FBXW11: variants seen among roughly 807,000 people sequenced by gnomAD.
FBXW11 encodes F-box and WD repeat domain containing 11.
A neutral mutation model predicts 77.6 loss-of-function variants in FBXW11; 19 were observed. The observed-to-expected ratio is 0.24, with a 90% CI of 0.17 to 0.36. FBXW11 has a LOEUF of 0.36. FBXW11 is among the 10% of genes least tolerant of loss of function. The probability of loss-of-function intolerance (pLI) is 1.00; values close to 1 mark genes in which losing one functional copy is unlikely to be tolerated. For missense variants in FBXW11, 334 were observed against 704.2 expected (o/e 0.47, Z 5.95); for synonymous variants, 235 against 249.4 (o/e 0.94, Z 0.54).
chr5:171,907,036 T>C lies in FBXW11; in HGVS notation c.436+3536A>G, dbSNP rs192169663. ...GCTTATCATCCTTTTTGAAGTACAA[T>C]CTGTCCCTACTTTACATGGTATGAA... is the stretch of plus-strand genomic sequence containing the variant. On this transcript the variant is annotated intron_variant, in intron 4 of 13. Transcript: ENST00000517395. Among the ~76,000 whole-genome samples, 381 of 152,336 alleles carry C rather than the reference T, an allele frequency of 2.5e-3. 2 individuals carry two copies. Among genetic ancestry groups the C allele is most frequent in the Admixed American group, 3.9e-3 (60 of 15,292 alleles).
chr5:171,905,422 T>A (rs977431276), intron 4 of FBXW11, among the ~76,000 whole-genome samples: 6 of 152,284 alleles, frequency 3.9e-5, no homozygotes, highest in Admixed American at 2.6e-4. Context: ...AAAAACAGCA[T>A]ACGTAAAGAG....
In FBXW11 at chr5:171,910,563, T is replaced by C. The variant is rs1366754938; in HGVS notation, c.436+9A>G. ...ACTGCTCAGCTTTTGAAAAGACAAG[T>C]ACAGTTACCTGGTAAAGCGGTAATA... On this transcript the variant is annotated intron_variant, in intron 4 of 13. Transcript: ENST00000517395. 5 of 1,606,508 alleles carry C rather than the reference T, an allele frequency of 3.1e-6. No homozygotes were observed. Among genetic ancestry groups the C allele is most frequent in the South Asian group, 1.1e-5 (1 of 90,214 alleles).
intron 2 of FBXW11, among the ~76,000 whole-genome samples, chr5:171,923,889 G>A (rs1167647175): frequency 6.6e-6 from 1 of 150,768 alleles, no homozygotes; most frequent in East Asian, 1.9e-4. Flanking sequence ...GACAGGGGAG[G>A]GTCCGCGGTG....
At chr5:171,984,702 C>T (rs1302942681) in intron 1 of FBXW11, among the ~76,000 whole-genome samples, 3 of 152,118 alleles carry the variant, frequency 2.0e-5, no homozygotes, top group African/African-American at 7.2e-5. Flanking sequence ...CAGCAAGCTC[C>T]TTAAAAATAA....
intron 1 of FBXW11, among the ~76,000 whole-genome samples, chr5:171,997,225 T>C (rs1035628043): frequency 2.0e-5 from 3 of 152,206 alleles, no homozygotes; most frequent in Non-Finnish European, 4.4e-5. Flanking sequence ...ATTCCTCACC[T>C]CTGTGTTGAA....
intron 2 of FBXW11, among the ~76,000 whole-genome samples, chr5:171,934,334 A>C (rs1483600451): frequency 6.6e-6 from 1 of 152,174 alleles, no homozygotes; most frequent in Non-Finnish European, 1.5e-5. Context: ...AACAAACAAG[A>C]ATACATTAAA....
chr5:171,910,946 G>T (rs1760845154), intron 3 of FBXW11, 149 bp from the exon 4 acceptor site: 2 of 604,076 alleles, frequency 3.3e-6, no homozygotes. Flanking sequence ...AATTCATTCA[G>T]GAATTAAAAA....
chr5:172,006,596 C>A lies in FBXW11; in HGVS notation c.-94G>T. Reference sequence around the variant, plus strand: ...GCGGAGGCGGCAGAGGCGGAGGCGGCTATCGCACCCACTCTAGCTGCCAGC... The same window carrying A: ...GCGGAGGCGGCAGAGGCGGAGGCGGATATCGCACCCACTCTAGCTGCCAGC... On this transcript the variant is annotated 5_prime_UTR_variant, in exon 1 of 14. Transcript: ENST00000517395. The A allele has an allele frequency of 2.2e-6, 3 of 1,382,506 alleles. No individual in the cohort carries two copies. Among genetic ancestry groups the A allele is most frequent in the Non-Finnish European group, 9.4e-7 (1 of 1,067,192 alleles). The allele number at this position is 1,382,506 out of a possible 1,614,324, so 85.6% of individuals were successfully genotyped here. A position where few individuals can be genotyped will look rare whatever the true frequency, so the allele number is the denominator to read the frequency against.
intron 1 of FBXW11, among the ~76,000 whole-genome samples, chr5:171,986,873 A>G (rs1765473857): frequency 6.6e-6 from 1 of 152,218 alleles, no homozygotes; most frequent in African/African-American, 2.4e-5. Flanking sequence ...TCTGTGACCT[A>G]TTAAGAACTG....
At chr5:172,006,346 G>A in intron 1 of FBXW11, 112 bp downstream of exon 1, 3 of 961,232 alleles carry the variant, frequency 3.1e-6, no homozygotes, top group Non-Finnish European at 4.4e-6. Flanking sequence ...CCGGGTCTGG[G>A]TCGAGGCGTC....
At chr5:171,891,302 C>G (rs938833319) in intron 7 of FBXW11, among the ~76,000 whole-genome samples, 165 bp downstream of exon 7, 1 of 151,810 alleles carries the variant, frequency 6.6e-6, no homozygotes, top group African/African-American at 2.4e-5. Context: ...GTATTAGTTT[C>G]GGGGAAATGC....
At chr5:171,982,158 GA>G (rs1417328891) in intron 1 of FBXW11, among the ~76,000 whole-genome samples, 2 of 152,132 alleles carry the variant, frequency 1.3e-5, no homozygotes, top group Non-Finnish European at 2.9e-5. Context: ...GGATTTTATT[GA>G]ATGTAAACCA....
At chr5:171,925,137 A>G (rs993560484) in intron 2 of FBXW11, among the ~76,000 whole-genome samples, 1 of 152,206 alleles carries the variant, frequency 6.6e-6, no homozygotes, top group African/African-American at 2.4e-5. Context: ...CCAGCTGGCG[A>G]AGCAGCACAG....
chr5:171,977,330 GAAAGA>G (rs909217239), intron 1 of FBXW11, among the ~76,000 whole-genome samples: 12 of 148,594 alleles, frequency 8.1e-5, no homozygotes, highest in Non-Finnish European at 1.8e-4. Flanking sequence ...AAAAAAGAAA[GAAAGA>G]AAAGAAAAAA....
chr5:171,890,490 A>AG (rs1290230054), intron 7 of FBXW11, among the ~76,000 whole-genome samples: 1 of 151,362 alleles, frequency 6.6e-6, no homozygotes, highest in Non-Finnish European at 1.5e-5. Flanking sequence ...TCCGTCTCAA[A>AG]AAAAAAAAAA....
At chr5:171,913,848 C>T (rs979366338) in intron 3 of FBXW11, among the ~76,000 whole-genome samples, 11 of 151,438 alleles carry the variant, frequency 7.3e-5, no homozygotes, top group East Asian at 1.9e-4. Context: ...CACACACACA[C>T]ACACACACAC....
rs75165518 is a variant in FBXW11 at position 171,967,448 on chromosome 5, G to T, written c.46-9750C>A. ...CTAAAGGAAGTTTAATGCATAGAAAGAAAGTTACAATACACGGAAAGAATT... is the reference window on the plus strand; with the variant it reads ...CTAAAGGAAGTTTAATGCATAGAAATAAAGTTACAATACACGGAAAGAATT... On this transcript the variant is annotated intron_variant, in intron 1 of 13. Coordinates refer to ENST00000517395, the MANE Select transcript of FBXW11 (RefSeq NM_001378974.1). Among the ~76,000 whole-genome samples, 16 of 152,256 alleles carry T rather than the reference G, an allele frequency of 1.1e-4. No homozygotes were observed. The East Asian group carries it at 3.1e-3, about 29-fold the overall frequency.
At chr5:171,936,800 C>T (rs565993100) in intron 2 of FBXW11, among the ~76,000 whole-genome samples, 31 of 151,942 alleles carry the variant, frequency 2.0e-4, no homozygotes, top group South Asian at 6.2e-4. Context: ...TTTTCCAGCA[C>T]GTGTAAAAAA....
At chr5:171,954,370 C>A (rs1381757510) in intron 2 of FBXW11, among the ~76,000 whole-genome samples, 1 of 152,080 alleles carries the variant, frequency 6.6e-6, no homozygotes, top group Non-Finnish European at 1.5e-5. Flanking sequence ...ACAAAAATGG[C>A]AAGGTAGATA....
Sources: allele counts gnomAD v4.1 joint callset (sites outside exome capture counted in the v4.1 genomes callset), GRCh38; gene constraint gnomAD v4.1.1; transcripts MANE v1.5; gene names NCBI Gene and HGNC (gene_info 2026-07-23, HGNC 2026-07-21).